PCDHGA7: variants seen among roughly 807,000 people sequenced by gnomAD.
PCDHGA7 encodes protocadherin gamma subfamily A, 7, also known as protocadherin gamma-A7.
A neutral mutation model predicts 58.3 loss-of-function variants in PCDHGA7; 44 were observed. That is an observed-to-expected ratio of 0.75 (90% confidence interval 0.59 to 0.97). The LOEUF is 0.97. PCDHGA7 is among the 50% of genes least tolerant of loss of function. The pLI is 0.00. For synonymous variants in PCDHGA7, 516 were observed against 504.2 expected (o/e 1.02, Z -0.31); for missense variants, 1,266 against 1,188.7 (o/e 1.06, Z -0.96).
intron 1 of PCDHGA7, chr5:141,414,452 T>C (rs767824112): frequency 6.2e-7 from 1 of 1,613,886 alleles, no homozygotes. Flanking sequence ...AATATCACAG[T>C]GACAGCCACA....
chr5:141,497,877 G>C (rs1057284578), intron 2 of PCDHGA7, among the ~76,000 whole-genome samples: 6 of 152,148 alleles, frequency 3.9e-5, no homozygotes, highest in Admixed American at 2.6e-4. Context: ...AGTGAAATAA[G>C]CGTTAGGATC....
At chr5:141,460,150 T>G (rs1169568683) in intron 1 of PCDHGA7, among the ~76,000 whole-genome samples, 1 of 152,106 alleles carries the variant, frequency 6.6e-6, no homozygotes, top group East Asian at 1.9e-4. Context: ...ATGTGAGCTC[T>G]TTGTCACATA....
At chr5:141,443,538 G>A (rs768723399) in intron 1 of PCDHGA7, among the ~76,000 whole-genome samples, 2 of 152,118 alleles carry the variant, frequency 1.3e-5, no homozygotes, top group African/African-American at 4.8e-5. Flanking sequence ...TTTAAAGCTT[G>A]GGAAATTGTT....
At chr5:141,389,957 G>C in intron 1 of PCDHGA7, 2 of 1,614,080 alleles carry the variant, frequency 1.2e-6, no homozygotes, top group Non-Finnish European at 1.7e-6. Flanking sequence ...TTTACCTAGT[G>C]GTGGCCTTGG....
At chr5:141,410,319 C>A in intron 1 of PCDHGA7, 2 of 1,614,018 alleles carry the variant, frequency 1.2e-6, no homozygotes, top group Admixed American at 1.7e-5. Flanking sequence ...TTCCTCCTCG[C>A]CGTGATTCTG....
At chr5:141,483,385 G>C (rs1166547027) in intron 1 of PCDHGA7, among the ~76,000 whole-genome samples, 1 of 152,160 alleles carries the variant, frequency 6.6e-6, no homozygotes, top group Non-Finnish European at 1.5e-5. Context: ...AGAGAAGATT[G>C]ATAAATGCTT....
intron 1 of PCDHGA7, among the ~76,000 whole-genome samples, chr5:141,467,820 G>T (rs1278112158): frequency 6.6e-6 from 1 of 151,884 alleles, no homozygotes; most frequent in African/African-American, 2.4e-5. Flanking sequence ...CACCACACCA[G>T]GCTGATTTTT....
Position 141,477,198 on chromosome 5 carries a change from TACCCGAGGATG to T in PCDHGA7, c.2425-17608_2425-17598del. 6.2e-7 allele frequency: 1 copy of T among 1,614,194 alleles called. No homozygotes were observed. The highest frequency in any genetic ancestry group is 2.2e-5 in the East Asian group (1 of 44,874). On this transcript the variant is annotated intron_variant, in intron 1 of 3. Transcript: ENST00000518325. The surrounding 1 kb of genome is among the most constrained non-coding windows in gnomAD (Gnocchi z 4.9). ...ACAGTCACCTCCGTGTACAGCCCAG[TACCCGAGGATG>T]CCCCTCTGGGGACTGTCATCGCTTT...
At chr5:141,494,755 C>T (rs1246224213) in intron 1 of PCDHGA7, 52 bp from the exon 2 acceptor site, 18 of 1,613,724 alleles carry the variant, frequency 1.1e-5, no homozygotes, top group African/African-American at 1.3e-5. Context: ...GCTCGGGTGA[C>T]ATTCTAACTT....
chr5:141,488,312 A>G lies in PCDHGA7; in HGVS notation c.2425-6495A>G, dbSNP rs952247975. 7.9e-5 allele frequency among the ~76,000 whole-genome samples: 12 copies of G among 152,286 alleles called. 1 individual carries two copies. Among genetic ancestry groups the G allele is most frequent in the African/African-American group, 2.9e-4 (12 of 41,558 alleles). On this transcript the variant is annotated intron_variant, in intron 1 of 3. Coordinates refer to ENST00000518325, the MANE Select transcript of PCDHGA7 (RefSeq NM_018920.4). ...AGTAAGTGAAATCACTTATGTCAGA[A>G]AACTGGTTTACAGTTGGCTGATTCA...
In PCDHGA7 at chr5:141,486,913, G is replaced by A. The variant is rs2099636995; in HGVS notation, c.2425-7894G>A. ...CTGGTTCCTTATGTCCCCAAGCACT[G>A]CCTCCATCAGTTGGTGCTGGCCACC... On this transcript the variant is annotated intron_variant, in intron 1 of 3. Transcript: ENST00000518325. The surrounding 1 kb of genome is among the most constrained non-coding windows in gnomAD (Gnocchi z 5.0). The A allele has an allele frequency of 1.9e-6, 3 of 1,614,092 alleles. No individual in the cohort carries two copies. The highest frequency in any genetic ancestry group is 1.3e-5 in the African/African-American group (1 of 74,938).
chr5:141,399,427 G>A (rs1049477252), intron 1 of PCDHGA7: 2 of 1,613,842 alleles, frequency 1.2e-6, no homozygotes, highest in African/African-American at 2.7e-5. Context: ...CAGCATAAGC[G>A]TCATCCTACA....
chr5:141,387,177 T>C (rs989484840), intron 1 of PCDHGA7, among the ~76,000 whole-genome samples: 2 of 152,184 alleles, frequency 1.3e-5, no homozygotes, highest in Non-Finnish European at 2.9e-5. Context: ...AATTGCACCT[T>C]CTAAAAGGCA....
Position 141,385,046 on chromosome 5 carries a change from T to C in PCDHGA7, c.2147T>C (p.Leu716Pro), listed in dbSNP as rs777247092. 1.9e-6 allele frequency: 3 copies of C among 1,614,038 alleles called. No homozygotes were observed. The Admixed American group carries it at 5.0e-5, about 27-fold the overall frequency. ...AFVLVLLALR[L>P]RRWHKSRLLQ... Reference sequence around the variant, plus strand: ...GTCCTCGTACTGCTGGCGCTCAGGCTGCGGCGCTGGCACAAGTCACGCCTG... The same window carrying C: ...GTCCTCGTACTGCTGGCGCTCAGGCCGCGGCGCTGGCACAAGTCACGCCTG... Residue 716 changes from leucine (L) to proline (P), a missense_variant, in exon 1 of 4, where the codon CTG (leucine) becomes CCG (proline). Coordinates refer to ENST00000518325, the MANE Select transcript of PCDHGA7 (RefSeq NM_018920.4).
chr5:141,422,996 C>T (rs1473025630), intron 1 of PCDHGA7: 1 of 1,614,224 alleles, frequency 6.2e-7, no homozygotes, highest in South Asian at 1.1e-5. Context: ...TACCTGGTGA[C>T]CAAGGTGGTT....
chr5:141,447,257 A>G (rs1182682161), intron 1 of PCDHGA7, among the ~76,000 whole-genome samples: 1 of 152,080 alleles, frequency 6.6e-6, no homozygotes, highest in Non-Finnish European at 1.5e-5. Flanking sequence ...CTTCTGTCTC[A>G]GCCTCCCAAG....
intron 1 of PCDHGA7, among the ~76,000 whole-genome samples, chr5:141,407,130 T>C (rs1218017139): frequency 1.3e-5 from 2 of 152,230 alleles, no homozygotes; most frequent in Non-Finnish European, 2.9e-5. Flanking sequence ...TTGCTTTATT[T>C]TTAAGAAAAA....
At chr5:141,470,957 TCCTCCCACCTCAG>T (rs2099244488) in intron 1 of PCDHGA7, among the ~76,000 whole-genome samples, 1 of 152,026 alleles carries the variant, frequency 6.6e-6, no homozygotes, top group South Asian at 2.1e-4. Flanking sequence ...CCTCAAGTGA[TCCTCCCACCTCAG>T]CCTCCCAAAG....
chr5:141,387,388 T>C (rs1323763140), intron 1 of PCDHGA7, among the ~76,000 whole-genome samples: 3 of 152,196 alleles, frequency 2.0e-5, no homozygotes, highest in Non-Finnish European at 2.9e-5. Flanking sequence ...ATATAGATAG[T>C]GCATGTTTGA....
Sources: gnomAD v4.1 joint callset for allele counts (sites outside exome capture counted in the v4.1 genomes callset) on GRCh38, gnomAD v4.1.1 for gene constraint, Gnocchi (gnomAD v3.1) non-coding constraint, MANE v1.5 for transcripts, NCBI Gene and HGNC (gene_info 2026-07-23, HGNC 2026-07-21) for gene names.